The following SLC16A9 variants were observed in gnomAD, a reference collection of about 807,000 sequenced individuals.
SLC16A9 encodes the protein solute carrier family 16 member 9, also known as monocarboxylate transporter 9.
Under a neutral mutation model 44.3 loss-of-function variants are expected in SLC16A9, and 26 were observed. The ratio of observed to expected loss-of-function variants is 0.59; its 90% CI spans 0.43 to 0.81. SLC16A9 has a LOEUF of 0.81. SLC16A9 is among the 40% of genes least tolerant of loss of function. The pLI is 0.00. For synonymous variants in SLC16A9, 230 were observed against 225.1 expected (o/e 1.02, Z -0.19); for missense variants, 559 against 595.8 (o/e 0.94, Z 0.64).
chr10:59,677,988 A>C, intron 2 of SLC16A9, among the ~76,000 whole-genome samples: 5 of 150,470 alleles, frequency 3.3e-5, no homozygotes, highest in South Asian at 2.1e-4. Context: ...TGCACCCACT[A>C]ACTCGCCCTC....
rs139118508 is a variant in SLC16A9 at position 59,650,766 on chromosome 10, C to G, written c.*2006G>C. The G allele has an allele frequency of 6.6e-6, 1 of 152,130 alleles. No individual in the cohort carries two copies. Among genetic ancestry groups the G allele is most frequent in the Non-Finnish European group, 1.5e-5 (1 of 68,024 alleles). The allele number at this position is 152,130 out of a possible 1,614,324, so 9.4% of individuals were successfully genotyped here. A position where few individuals can be genotyped will look rare whatever the true frequency, so the allele number is the denominator to read the frequency against. On this transcript the variant is annotated 3_prime_UTR_variant, in exon 6 of 6. Coordinates refer to ENST00000395348, the MANE Select transcript of SLC16A9 (RefSeq NM_194298.3). Reference sequence around the variant, plus strand: ...AGGAGAAAAAGCAACCAAACTGATGCAAAACAAAGAAAAATATTTTATTGT... The same window carrying G: ...AGGAGAAAAAGCAACCAAACTGATGGAAAACAAAGAAAAATATTTTATTGT...
chr10:59,679,455 C>T (rs908613308), intron 2 of SLC16A9, among the ~76,000 whole-genome samples: 8 of 152,162 alleles, frequency 5.3e-5, no homozygotes, highest in African/African-American at 1.9e-4. Context: ...CAAAAATTTG[C>T]AGAGGAGGCC....
intron 4 of SLC16A9, among the ~76,000 whole-genome samples, chr10:59,659,567 C>T (rs1259381979): frequency 6.6e-6 from 1 of 152,070 alleles, no homozygotes; most frequent in African/African-American, 2.4e-5. Context: ...TTTAACATCC[C>T]TCTGTCAATA....
Position 59,672,900 on chromosome 10 carries a change from A to T in SLC16A9, c.210T>A (p.Ser70Arg), listed in dbSNP as rs774668534. ...GVGLLASPVC[S>R]LCVSSFGARP... ...TTGCTCCAAAAGATGAGACACAGAG[A>T]CTGCAGACAGGACCTAAAAAAAGAA... The change falls in exon 3 of 6, where the codon AGT becomes AGA. Residue 70 changes from serine (S) to arginine (R), a missense_variant. By Grantham distance (110) the Ser-to-Arg change is moderately radical. Transcript: ENST00000395348. The T allele has an allele frequency of 6.2e-7, 1 of 1,609,896 alleles. No homozygotes were observed.
intron 2 of SLC16A9, among the ~76,000 whole-genome samples, chr10:59,673,272 T>G (rs1440279302): frequency 6.6e-6 from 1 of 152,150 alleles, no homozygotes; most frequent in African/African-American, 2.4e-5. Context: ...AGTTTCCTCA[T>G]CTGAAAATGG....
chr10:59,654,493 G>A lies in SLC16A9; in HGVS notation c.533C>T (p.Ala178Val). The A allele has an allele frequency of 6.2e-7, 1 of 1,611,880 alleles. No individual in the cohort carries two copies. Residue 178 changes from alanine (A) to valine (V), a missense_variant, in exon 5 of 6, where the codon GCT becomes GTT. Ala to Val is a moderately conservative substitution (Grantham distance 64). Coordinates refer to ENST00000395348, the MANE Select transcript of SLC16A9 (RefSeq NM_194298.3). ...DGCLLIVGAL[A>V]LNILACGSLM... ...ACTGCCACAGGCTAATATATTTAAA[G>A]CTAAAGCACCCACAATCAGCAAGCA...
At chr10:59,678,920 T>C (rs544410319) in intron 2 of SLC16A9, among the ~76,000 whole-genome samples, 1 of 152,236 alleles carries the variant, frequency 6.6e-6, no homozygotes, top group African/African-American at 2.4e-5. Flanking sequence ...AATTCAGTAC[T>C]CCTTGAAGGA....
intron 3 of SLC16A9, among the ~76,000 whole-genome samples, chr10:59,667,240 A>C (rs916984372): frequency 1.3e-5 from 2 of 152,198 alleles, no homozygotes; most frequent in Non-Finnish European, 2.9e-5. Flanking sequence ...CGGTAGAGGA[A>C]TATCTATAAT....
intron 1 of SLC16A9, among the ~76,000 whole-genome samples, chr10:59,685,065 C>T (rs1455730935): frequency 6.6e-6 from 1 of 152,156 alleles, no homozygotes; most frequent in Non-Finnish European, 1.5e-5. Context: ...GAGTATTTTT[C>T]CAGTTTCTTT....
In SLC16A9 at chr10:59,650,995, T is replaced by TG. The variant is rs1190483444; in HGVS notation, c.*1776_*1777insC. 1 of 152,040 alleles carries TG rather than the reference T, an allele frequency of 6.6e-6. No homozygotes were observed. Among genetic ancestry groups the TG allele is most frequent in the Non-Finnish European group, 1.5e-5 (1 of 67,982 alleles). The allele number at this position is 152,040 out of a possible 1,614,324, so 9.4% of individuals were successfully genotyped here. On this transcript the variant is annotated 3_prime_UTR_variant, in exon 6 of 6. Transcript: ENST00000395348. ...ACACAACAAGTAGTTTAGTTTTTTT[T>TG]TTTTTTATGTCACTTATTTTATTTA... is the stretch of plus-strand genomic sequence containing the variant.
chr10:59,654,157 T>C lies in SLC16A9; in HGVS notation c.869A>G (p.Tyr290Cys), dbSNP rs375117848. The change falls in exon 5 of 6, where the codon TAT becomes TGT. Residue 290 changes from tyrosine (Y) to cysteine (C), a missense_variant. Physicochemically the swap from Tyr to Cys is radical, Grantham distance 194. Coordinates refer to ENST00000395348, the MANE Select transcript of SLC16A9 (RefSeq NM_194298.3). ...KQLAKRKWQL[Y>C]KNYCGETVAL... ...CACAGTTTCACCACAGTAGTTTTTA[T>C]ATAACTGCCACTTCCTCTTGGCAAG... 1.1e-5 allele frequency: 18 copies of C among 1,614,024 alleles called. No individual in the cohort carries two copies. The Middle Eastern group carries it at 4.9e-4, about 44-fold the overall frequency.
chr10:59,686,652 C>A (rs141117183), intron 1 of SLC16A9, among the ~76,000 whole-genome samples: 1 of 152,278 alleles, frequency 6.6e-6, no homozygotes, highest in East Asian at 1.9e-4. Context: ...TTACAAAATT[C>A]TCCTATTTGT....
intron 1 of SLC16A9, 112 bp downstream of exon 1, chr10:59,709,367 C>G (rs1048213357): frequency 1.3e-5 from 2 of 152,504 alleles, no homozygotes; most frequent in Non-Finnish European, 2.9e-5. Context: ...CATGCTGCTC[C>G]ACCGCCCCCT....
chr10:59,662,785 T>C (rs1176499327), intron 4 of SLC16A9, among the ~76,000 whole-genome samples: 1 of 151,868 alleles, frequency 6.6e-6, no homozygotes, highest in Non-Finnish European at 1.5e-5. Flanking sequence ...ATGGCAATCA[T>C]TAAAAAGTCA....
chr10:59,651,597 A>G lies in SLC16A9; in HGVS notation c.*1175T>C, dbSNP rs1299632737. Reference sequence around the variant, plus strand: ...AAAGATCTATAGGGAATTCTGATGCATACCAAAGTTTAAAACCCATTTCTT... The same window carrying G: ...AAAGATCTATAGGGAATTCTGATGCGTACCAAAGTTTAAAACCCATTTCTT... On this transcript the variant is annotated 3_prime_UTR_variant, in exon 6 of 6. Transcript: ENST00000395348. 1.3e-5 allele frequency: 2 copies of G among 152,204 alleles called. No homozygotes were observed. Among genetic ancestry groups the G allele is most frequent in the Non-Finnish European group, 2.9e-5 (2 of 68,036 alleles). The allele number at this position is 152,204 out of a possible 1,614,324, so 9.4% of individuals were successfully genotyped here. A position where few individuals can be genotyped will look rare whatever the true frequency, so the allele number is the denominator to read the frequency against.
chr10:59,665,959 T>C (rs1417613023), intron 3 of SLC16A9, among the ~76,000 whole-genome samples: 3 of 152,306 alleles, frequency 2.0e-5, no homozygotes, highest in Middle Eastern at 3.4e-3. Flanking sequence ...TTTTTTTTAA[T>C]GTAGCAGAAA....
At position 59,672,809 on chromosome 10, in the gene SLC16A9, T is replaced by C. The variant is rs763945365; in HGVS notation, c.301A>G (p.Asn101Asp). 18 of 1,613,682 alleles carry C rather than the reference T, an allele frequency of 1.1e-5. No homozygotes were observed. In the Middle Eastern group the frequency reaches 5.0e-4, roughly 44 times the overall value. The change falls in exon 3 of 6, where the codon AAT (asparagine) becomes GAT (aspartate). Residue 101 changes from asparagine to aspartate, a missense_variant. Asn to Asp is a conservative substitution (Grantham distance 23). Transcript: ENST00000395348. ...TAGGAAAAAAACAGAAAGTAGATAT[T>C]GGGAGCAAAACTGCTCAACATCAGG... Reference protein sequence around the residue: ...GGLMLSSFAPNIYFLFFSYGI... With the variant: ...GGLMLSSFAPDIYFLFFSYGI...
chr10:59,700,854 GTC>G (rs998144107), intron 1 of SLC16A9, among the ~76,000 whole-genome samples: 23 of 152,154 alleles, frequency 1.5e-4, no homozygotes, highest in African/African-American at 5.3e-4. Flanking sequence ...CACTGTTTAC[GTC>G]TCTGTTTTTA....
At chr10:59,657,265 C>G (rs1839369680) in intron 4 of SLC16A9, among the ~76,000 whole-genome samples, 1 of 152,098 alleles carries the variant, frequency 6.6e-6, no homozygotes, top group African/African-American at 2.4e-5. Flanking sequence ...ATACACAAAC[C>G]AGCAGTAGGC....
Sources: allele counts gnomAD v4.1 joint callset (sites outside exome capture counted in the v4.1 genomes callset), GRCh38; gene constraint gnomAD v4.1.1; transcripts MANE v1.5; gene names NCBI Gene and HGNC (gene_info 2026-07-23, HGNC 2026-07-21).